MAP3K5: variants seen among roughly 807,000 people sequenced by gnomAD.
MAP3K5 encodes ASK-1.
A neutral mutation model predicts 158.7 loss-of-function variants in MAP3K5; 56 were observed. That is an observed-to-expected ratio of 0.35 (90% CI 0.28 to 0.44). The LOEUF is 0.44. Among genes scored for constraint, MAP3K5 ranks in the 20% least tolerant of loss-of-function variants. MAP3K5 has a pLI of 1.00. For missense variants in MAP3K5, 1,294 were observed against 1,674.8 expected (o/e 0.77, Z 3.97); for synonymous variants, 579 against 601.7 (o/e 0.96, Z 0.55).
At chr6:136,702,440 G>A (rs542682613) in intron 3 of MAP3K5, among the ~76,000 whole-genome samples, 60 of 152,286 alleles carry the variant, frequency 3.9e-4, no homozygotes, top group African/African-American at 1.4e-3. Context: ...TTTTCTGTGT[G>A]CAGATTGCCA....
intron 1 of MAP3K5, among the ~76,000 whole-genome samples, chr6:136,782,419 C>T (rs1784657022): frequency 6.6e-6 from 1 of 152,110 alleles, no homozygotes; most frequent in Non-Finnish European, 1.5e-5. Context: ...TAAGATGATG[C>T]TGATTGATAC....
rs185658406 is a variant in MAP3K5, at chr6:136,578,612, T to C, written c.3517+1689A>G. On this transcript the variant is annotated intron_variant, in intron 25 of 29. Coordinates refer to ENST00000359015, the MANE Select transcript of MAP3K5 (RefSeq NM_005923.4). ...CTCGGTGGCCTGAAGAATGCAAAGG[T>C]GCAAGCCACAGGACAGGAGAGACAT... Among the ~76,000 whole-genome samples, 418 of 146,896 alleles carry C rather than the reference T, an allele frequency of 2.8e-3. 3 individuals carry two copies. Among genetic ancestry groups the C allele is most frequent in the African/African-American group, 1.0e-2 (397 of 39,792 alleles).
intron 23 of MAP3K5, among the ~76,000 whole-genome samples, chr6:136,584,126 A>G (rs1775010506): frequency 6.6e-6 from 1 of 152,250 alleles, no homozygotes; most frequent in African/African-American, 2.4e-5. Flanking sequence ...TAGTCAGATA[A>G]CAAAGCTTTG....
At chr6:136,784,046 T>C (rs1313157844) in intron 1 of MAP3K5, among the ~76,000 whole-genome samples, 1 of 152,176 alleles carries the variant, frequency 6.6e-6, no homozygotes, top group Admixed American at 6.5e-5. Context: ...AACTGCCCTA[T>C]AAACAGAGAA....
At chr6:136,591,869 CAAAT>C (rs1177344538) in intron 23 of MAP3K5, among the ~76,000 whole-genome samples, 5 of 152,212 alleles carry the variant, frequency 3.3e-5, no homozygotes, top group African/African-American at 9.6e-5. Flanking sequence ...AATGAATAAA[CAAAT>C]GAATGAAGAG....
At chr6:136,565,218 C>T (rs957188381) in intron 26 of MAP3K5, among the ~76,000 whole-genome samples, 5 of 152,150 alleles carry the variant, frequency 3.3e-5, no homozygotes, top group African/African-American at 1.2e-4. Context: ...CAATCCAGTA[C>T]ATCAATTTTA....
At chr6:136,626,407 G>A (rs1234239096) in intron 14 of MAP3K5, among the ~76,000 whole-genome samples, 1 of 152,172 alleles carries the variant, frequency 6.6e-6, no homozygotes, top group Non-Finnish European at 1.5e-5. Flanking sequence ...CTAACATAAA[G>A]CTGAAGACTG....
At chr6:136,783,835 C>A (rs1784724339) in intron 1 of MAP3K5, among the ~76,000 whole-genome samples, 1 of 152,200 alleles carries the variant, frequency 6.6e-6, no homozygotes, top group African/African-American at 2.4e-5. Flanking sequence ...GGAGGAAGTA[C>A]TTGGAAAGCA....
At chr6:136,660,764 G>C (rs1418599325) in intron 8 of MAP3K5, among the ~76,000 whole-genome samples, 1 of 152,152 alleles carries the variant, frequency 6.6e-6, no homozygotes, top group Admixed American at 6.5e-5. Context: ...GGAAGATAAG[G>C]CCACTCAAGG....
intron 1 of MAP3K5, among the ~76,000 whole-genome samples, chr6:136,776,914 G>A (rs1784423034): frequency 6.6e-6 from 1 of 152,256 alleles, no homozygotes; most frequent in African/African-American, 2.4e-5. Context: ...ATCGGTCCTT[G>A]GGTAACCCAC....
At chr6:136,698,362 TA>T in intron 4 of MAP3K5, 126 bp downstream of exon 4, 1 of 714,218 alleles carries the variant, frequency 1.4e-6, no homozygotes, top group Non-Finnish European at 2.3e-6. Flanking sequence ...TGGAGGATAA[TA>T]AACATTTTCC....
intron 7 of MAP3K5, among the ~76,000 whole-genome samples, chr6:136,688,891 C>T (rs1247027821): frequency 6.6e-6 from 1 of 152,044 alleles, no homozygotes; most frequent in African/African-American, 2.4e-5. Context: ...CATAATGCTT[C>T]TCAAATATCT....
chr6:136,614,110 T>G (rs372956940), intron 16 of MAP3K5, 49 bp downstream of exon 16: 27 of 1,593,896 alleles, frequency 1.7e-5, no homozygotes, highest in Non-Finnish European at 2.1e-5. Flanking sequence ...TTTACTCCCC[T>G]CCGAAGCTCT....
At chr6:136,715,194 T>G (rs2114754623) in intron 2 of MAP3K5, among the ~76,000 whole-genome samples, 1 of 152,312 alleles carries the variant, frequency 6.6e-6, no homozygotes, top group African/African-American at 2.4e-5. Flanking sequence ...CAAAGTCTGT[T>G]TGAGTGCAGA....
At chr6:136,611,134 A>G (rs1583270842) in intron 18 of MAP3K5, 148 bp downstream of exon 18, 3 of 377,132 alleles carry the variant, frequency 8.0e-6, no homozygotes, top group East Asian at 4.2e-5. Flanking sequence ...AAAAAAAAAA[A>G]GAAAGAAAAG....
intron 25 of MAP3K5, 120 bp from the exon 26 acceptor site, chr6:136,567,994 T>C (rs1774196009): frequency 1.8e-6 from 2 of 1,116,790 alleles, no homozygotes; most frequent in African/African-American, 3.1e-5. Context: ...CAAACTGCTT[T>C]TCCAAAAGTG....
At chr6:136,648,416 A>T (rs1778367681) in intron 11 of MAP3K5, among the ~76,000 whole-genome samples, 1 of 152,156 alleles carries the variant, frequency 6.6e-6, no homozygotes, top group Non-Finnish European at 1.5e-5. Context: ...ACAGTGTTTC[A>T]CAAACTGGGA....
intron 1 of MAP3K5, among the ~76,000 whole-genome samples, chr6:136,726,347 C>T (rs1781964959): frequency 6.6e-6 from 1 of 152,228 alleles, no homozygotes; most frequent in Non-Finnish European, 1.5e-5. Flanking sequence ...AATCTCAACA[C>T]TTTGGGAGGC....
chr6:136,585,509 ATTTATTTT>A (rs1425096399), intron 23 of MAP3K5, among the ~76,000 whole-genome samples: 26 of 106,540 alleles, frequency 2.4e-4, no homozygotes, highest in African/African-American at 5.8e-4. Context: ...TTATTTATTT[ATTTATTTT>A]TTGACAAAGT....
Sources: allele counts gnomAD v4.1 joint callset (sites outside exome capture counted in the v4.1 genomes callset), GRCh38; gene constraint gnomAD v4.1.1; transcripts MANE v1.5; gene names NCBI Gene and HGNC (gene_info 2026-07-23, HGNC 2026-07-21).